Variants in TRIO observed in about 807,000 individuals in gnomAD.
TRIO encodes the protein trio Rho guanine nucleotide exchange factor.
TRIO carries 58 observed loss-of-function variants against 351.9 expected under a neutral mutation model. The ratio of observed to expected loss-of-function variants is 0.16; its 90% CI spans 0.13 to 0.21. The LOEUF (loss-of-function observed/expected upper bound fraction) is 0.21, where lower values mean the gene tolerates loss of function less well. Among genes scored for constraint, TRIO ranks in the 10% least tolerant of loss-of-function variants. The pLI is 1.00. For synonymous variants in TRIO, 1,758 were observed against 1,595.7 expected, an observed-to-expected ratio of 1.10 and a Z score of -2.42; for missense variants, 3,201 against 4,027.8, an observed-to-expected ratio of 0.79 and a Z score of 5.56.
intron 28 of TRIO, 46 bp downstream of exon 28, chr5:14,394,176 A>G (rs770186895): frequency 2.4e-6 from 3 of 1,241,380 alleles, no homozygotes; most frequent in Non-Finnish European, 3.4e-6. Context: ...TGAATTATGT[A>G]TTATTTTGAC....
intron 1 of TRIO, among the ~76,000 whole-genome samples, chr5:14,145,165 T>G (rs564022003): frequency 1.3e-5 from 2 of 152,268 alleles, no homozygotes; most frequent in South Asian, 4.2e-4. Context: ...CGTGGCCTCT[T>G]TGAAAATCAC....
chr5:14,299,583 C>G (rs1306513709), intron 7 of TRIO, among the ~76,000 whole-genome samples: 10 of 152,218 alleles, frequency 6.6e-5, no homozygotes, highest in Admixed American at 6.5e-4. Flanking sequence ...ATGCTCCTCA[C>G]TAAAGTAGTT....
At chr5:14,328,555 A>G (rs1740622338) in intron 9 of TRIO, among the ~76,000 whole-genome samples, 1 of 152,262 alleles carries the variant, frequency 6.6e-6, no homozygotes, top group South Asian at 2.1e-4. Flanking sequence ...AGTTAAAATA[A>G]TGTACCGAAT....
At chr5:14,309,932 A>G (rs1738767388) in intron 8 of TRIO, among the ~76,000 whole-genome samples, 1 of 151,622 alleles carries the variant, frequency 6.6e-6, no homozygotes, top group Admixed American at 6.6e-5. Context: ...GTCTCTGATC[A>G]TATAAATTTG....
chr5:14,280,604 G>A (rs1449756446), intron 3 of TRIO, among the ~76,000 whole-genome samples, 168 bp downstream of exon 3: 1 of 152,188 alleles, frequency 6.6e-6, no homozygotes, highest in Non-Finnish European at 1.5e-5. Context: ...TTATTGTCTA[G>A]TGTAAAGCCC....
intron 1 of TRIO, among the ~76,000 whole-genome samples, chr5:14,180,464 G>T (rs1235378314): frequency 6.6e-6 from 1 of 152,134 alleles, no homozygotes; most frequent in African/African-American, 2.4e-5. Context: ...AACCTAAATT[G>T]TTCCTTTGTA....
chr5:14,196,856 G>A (rs534308377), intron 1 of TRIO, among the ~76,000 whole-genome samples: 1 of 152,272 alleles, frequency 6.6e-6, no homozygotes, highest in East Asian at 1.9e-4. Context: ...ATTTGCATAT[G>A]CCATTCGATG....
rs78296962 is a variant in TRIO at position 14,281,943 on chromosome 5, C to A, written c.347+1507C>A. 1.0e-3 allele frequency among the ~76,000 whole-genome samples: 159 copies of A among 152,316 alleles called. 2 individuals are homozygous for A. In the East Asian group the frequency reaches 0.025, roughly 24 times the overall value. On this transcript the variant is annotated intron_variant, in intron 3 of 56. Transcript: ENST00000344204. The stretch of plus-strand genomic sequence containing the variant: ...ACAGCACGTGGTTCACAGCACTCAA[C>A]CTGTGTAGGTTGACACAAGCGGGAC...
At chr5:14,488,786 G>T in intron 48 of TRIO, 1 of 593,072 alleles carries the variant, frequency 1.7e-6, no homozygotes, top group Non-Finnish European at 3.0e-6. Context: ...TGAAAAAATG[G>T]GGGGAAAGAA....
In TRIO at chr5:14,286,399, C is replaced by G. The variant is rs1736447264; in HGVS notation, c.348-472C>G. 6.6e-6 allele frequency among the ~76,000 whole-genome samples: 1 copy of G among 152,046 alleles called. No individual in the cohort carries two copies. Among genetic ancestry groups the G allele is most frequent in the Admixed American group, 6.6e-5 (1 of 15,262 alleles). On this transcript the variant is annotated intron_variant, in intron 3 of 56. Transcript: ENST00000344204. This position sits in a 1 kb window ranked among gnomAD's most constrained non-coding sequence, Gnocchi z 4.4. ...GCTAGTGGGGGGTCATTTTCAGCAC[C>G]TGGGGTGCTGGGAGTCCTGGGGTAA... is the stretch of plus-strand genomic sequence containing the variant.
Position 14,332,781 on chromosome 5 carries a change from G to A in TRIO, c.1854+1881G>A, listed in dbSNP as rs115033738. Among the ~76,000 whole-genome samples the A allele has an allele frequency of 5.4e-3, 815 of 152,242 alleles. 7 individuals carry two copies. Among genetic ancestry groups the A allele is most frequent in the African/African-American group, 0.018 (766 of 41,528 alleles). On this transcript the variant is annotated intron_variant, in intron 10 of 56. Coordinates refer to ENST00000344204, the MANE Select transcript of TRIO (RefSeq NM_007118.4). Reference sequence around the variant, plus strand: ...ATCTCTCGGAGCCTCGGTTTTCCTTGCTGTAAAATGATACCTAACACCTAC... The same window carrying A: ...ATCTCTCGGAGCCTCGGTTTTCCTTACTGTAAAATGATACCTAACACCTAC...
intron 3 of TRIO, among the ~76,000 whole-genome samples, chr5:14,282,413 A>G (rs1292348006): frequency 6.6e-6 from 1 of 152,072 alleles, no homozygotes; most frequent in Non-Finnish European, 1.5e-5. Flanking sequence ...TTTGATATTC[A>G]CTCTTGTGAA....
chr5:14,503,483 C>A (rs1238521839), intron 54 of TRIO, among the ~76,000 whole-genome samples: 1 of 152,270 alleles, frequency 6.6e-6, no homozygotes, highest in African/African-American at 2.4e-5. Flanking sequence ...CTCTCCTGGC[C>A]TGGTCAGCTG....
At chr5:14,215,567 A>C (rs1011129106) in intron 1 of TRIO, among the ~76,000 whole-genome samples, 2 of 152,194 alleles carry the variant, frequency 1.3e-5, no homozygotes, top group Non-Finnish European at 2.9e-5. Context: ...CTTTAGACTA[A>C]ATGATTCCTT....
Position 14,364,826 on chromosome 5 carries a change from C to T in TRIO, c.2754+10C>T, listed in dbSNP as rs568435624. ...GGCAGAAGTGAAACAGGTGAGCAAA[C>T]GACTGGATGCTTGGGGAGGCTGCGC... On this transcript the variant is annotated intron_variant, in intron 15 of 56. Transcript: ENST00000344204. 4.4e-6 allele frequency: 7 copies of T among 1,603,236 alleles called. No homozygotes were observed. Among genetic ancestry groups the T allele is most frequent in the African/African-American group, 2.7e-5 (2 of 74,576 alleles).
At chr5:14,231,306 G>A (rs928670096) in intron 1 of TRIO, among the ~76,000 whole-genome samples, 1 of 152,190 alleles carries the variant, frequency 6.6e-6, no homozygotes, top group African/African-American at 2.4e-5. Flanking sequence ...CTACTGTTGT[G>A]TCTGAAACAA....
intron 30 of TRIO, chr5:14,399,363 G>T: frequency 2.4e-6 from 1 of 423,962 alleles, no homozygotes. Flanking sequence ...TCTCCGGTGT[G>T]CTTAACTAGC....
intron 1 of TRIO, among the ~76,000 whole-genome samples, chr5:14,239,402 T>G (rs1162097994): frequency 6.6e-6 from 1 of 152,218 alleles, no homozygotes; most frequent in Admixed American, 6.5e-5. Context: ...CTTTCTTGTT[T>G]CCTTGGTGTC....
chr5:14,336,024 G>A (rs1290077552), intron 10 of TRIO, among the ~76,000 whole-genome samples: 1 of 152,124 alleles, frequency 6.6e-6, no homozygotes, highest in Non-Finnish European at 1.5e-5. Flanking sequence ...AAGAAGATGA[G>A]CACAGAATTA....
Sources: gnomAD v4.1 joint callset for allele counts (sites outside exome capture counted in the v4.1 genomes callset) on GRCh38, gnomAD v4.1.1 for gene constraint, Gnocchi (gnomAD v3.1) non-coding constraint, MANE v1.5 for transcripts, NCBI Gene and HGNC (gene_info 2026-07-23, HGNC 2026-07-21) for gene names.